Variants in CCDC83 observed in about 807,000 individuals in gnomAD.
CCDC83 encodes the protein coiled-coil domain-containing protein 83.
A neutral mutation model predicts 50.1 loss-of-function variants in CCDC83; 54 were observed. That is an observed-to-expected ratio of 1.08 (90% CI 0.87 to 1.35). CCDC83 has a LOEUF of 1.35. CCDC83 is among the 40% of genes most tolerant of loss of function. The pLI, the probability that CCDC83 is intolerant of heterozygous loss-of-function variation, is 0.00. For missense variants in CCDC83, 518 were observed against 473.9 expected (o/e 1.09, Z -0.86); for synonymous variants, 161 against 153.3 (o/e 1.05, Z -0.37).
intron 8 of CCDC83, chr11:85,912,685 T>A: frequency 1.2e-6 from 2 of 1,612,804 alleles, no homozygotes; most frequent in Non-Finnish European, 1.7e-6. Context: ...CCTCTAATCC[T>A]CGTCATCTGC....
chr11:85,899,013 G>C lies in CCDC83; in HGVS notation c.670G>C (p.Glu224Gln). ...CTGGGAGAATGACTGGCTCAAAAAA[G>C]AGGTAAGTGGAATTTATCAAAACAA... Reference protein sequence around the residue: ...EIWENDWLKKEVAIHRKEVEE... With the variant: ...EIWENDWLKKQVAIHRKEVEE... The change falls in exon 7 of 11, where the codon GAG (glutamate) becomes CAG (glutamine). Residue 224 changes from glutamate (E) to glutamine (Q), a missense_variant and splice_region_variant. Glu to Gln is a conservative substitution (Grantham distance 29). Transcript: ENST00000342404. The C allele has an allele frequency of 6.2e-7, 1 of 1,603,570 alleles. No individual in the cohort carries two copies. Among genetic ancestry groups the C allele is most frequent in the Non-Finnish European group, 8.5e-7 (1 of 1,171,578 alleles).
At chr11:85,895,264 CTTTT>C (rs10594256) in intron 5 of CCDC83, 25 bp from the exon 6 acceptor site, 2,247 of 361,064 alleles carry the variant, frequency 6.2e-3, no homozygotes, top group Middle Eastern at 8.9e-3. Flanking sequence ...TTTTAATTTT[CTTTT>C]TTTTTTTTTT....
At chr11:85,889,090 G>A (rs1289089213) in intron 5 of CCDC83, among the ~76,000 whole-genome samples, 2 of 152,158 alleles carry the variant, frequency 1.3e-5, no homozygotes, top group South Asian at 2.1e-4. Context: ...GGTGTCTCAC[G>A]CCTGTAATAC....
chr11:85,893,169 C>T (rs1348743321), intron 5 of CCDC83, among the ~76,000 whole-genome samples: 2 of 152,210 alleles, frequency 1.3e-5, no homozygotes, highest in Admixed American at 6.5e-5. Flanking sequence ...CCACCAAAGA[C>T]TTGCAGTTTG....
intron 3 of CCDC83, among the ~76,000 whole-genome samples, chr11:85,880,868 A>G (rs1181391335): frequency 6.6e-6 from 1 of 152,226 alleles, no homozygotes; most frequent in Non-Finnish European, 1.5e-5. Flanking sequence ...ACAGAATGAT[A>G]TATCTTGGGG....
intron 3 of CCDC83, among the ~76,000 whole-genome samples, chr11:85,875,101 G>C (rs924756931): frequency 6.6e-6 from 1 of 152,234 alleles, no homozygotes; most frequent in African/African-American, 2.4e-5. Flanking sequence ...AGGCAGGAAA[G>C]TTCCCAATAT....
intron 2 of CCDC83, among the ~76,000 whole-genome samples, chr11:85,868,057 C>T (rs1274966751): frequency 6.6e-6 from 1 of 152,222 alleles, no homozygotes; most frequent in Non-Finnish European, 1.5e-5. Context: ...CTCTCAGCTC[C>T]TAACAAAGCA....
At chr11:85,896,777 T>A (rs376617658) in intron 6 of CCDC83, among the ~76,000 whole-genome samples, 1 of 147,710 alleles carries the variant, frequency 6.8e-6, no homozygotes, top group Non-Finnish European at 1.5e-5. Flanking sequence ...TTTTTTTTTT[T>A]AACAATCTTG....
intron 4 of CCDC83, among the ~76,000 whole-genome samples, chr11:85,885,071 G>A (rs1002324707): frequency 3.9e-5 from 6 of 151,986 alleles, no homozygotes; most frequent in Non-Finnish European, 7.4e-5. Context: ...AAAATTAGCC[G>A]GACGTGGTGG....
intron 5 of CCDC83, among the ~76,000 whole-genome samples, chr11:85,888,332 G>A (rs1485952286): frequency 6.6e-6 from 1 of 152,096 alleles, no homozygotes; most frequent in African/African-American, 2.4e-5. Context: ...TTCTTTGTCA[G>A]TCTTATGGGT....
At chr11:85,877,789 G>C (rs893470933) in intron 3 of CCDC83, among the ~76,000 whole-genome samples, 2 of 152,118 alleles carry the variant, frequency 1.3e-5, no homozygotes, top group South Asian at 4.1e-4. Flanking sequence ...AGTAAAATCA[G>C]ATATCTTTAC....
At chr11:85,909,904 C>T (rs1485566024) in intron 7 of CCDC83, among the ~76,000 whole-genome samples, 1 of 152,086 alleles carries the variant, frequency 6.6e-6, no homozygotes, top group Non-Finnish European at 1.5e-5. Context: ...ATTAAGCCTG[C>T]TATGTTTATC....
At chr11:85,868,765 A>C (rs1046714851) in intron 2 of CCDC83, among the ~76,000 whole-genome samples, 1 of 151,826 alleles carries the variant, frequency 6.6e-6, no homozygotes. Context: ...GCCCACCTCA[A>C]CCTCCTGAAA....
chr11:85,874,680 T>G (rs527931720), intron 3 of CCDC83, among the ~76,000 whole-genome samples: 2 of 152,350 alleles, frequency 1.3e-5, no homozygotes, highest in South Asian at 4.1e-4. Context: ...TTTTGAATAT[T>G]GTAAACCAGG....
chr11:85,862,655 T>C (rs539541990), intron 1 of CCDC83, among the ~76,000 whole-genome samples: 5 of 152,328 alleles, frequency 3.3e-5, no homozygotes, highest in South Asian at 2.1e-4. Context: ...TGGAAGATAA[T>C]TGCTTTTACT....
chr11:85,881,844 T>C (rs1324267233), intron 3 of CCDC83, among the ~76,000 whole-genome samples: 4 of 152,242 alleles, frequency 2.6e-5, no homozygotes, highest in South Asian at 2.1e-4. Context: ...AGAAGTTTGA[T>C]TATGATGTGT....
intron 10 of CCDC83, among the ~76,000 whole-genome samples, chr11:85,917,192 G>GAAAGAAAGAGAA (rs368407830): frequency 1.6e-4 from 13 of 79,848 alleles, no homozygotes; most frequent in East Asian, 1.1e-3. Flanking sequence ...AAGAAAGAAA[G>GAAAGAAAGAGAA]AGAAAGAAAG....
chr11:85,911,614 A>G (rs968125282), intron 8 of CCDC83, among the ~76,000 whole-genome samples: 4 of 152,220 alleles, frequency 2.6e-5, no homozygotes, highest in African/African-American at 7.2e-5. Context: ...TTATCTTGCA[A>G]TGAACTGTAG....
chr11:85,897,184 T>C (rs144488774), intron 6 of CCDC83, among the ~76,000 whole-genome samples: 1 of 152,176 alleles, frequency 6.6e-6, no homozygotes, highest in African/African-American at 2.4e-5. Flanking sequence ...TCGTGAGGAC[T>C]ATTCTAAATA....
Sources: gnomAD v4.1 joint callset for allele counts (sites outside exome capture counted in the v4.1 genomes callset) on GRCh38, gnomAD v4.1.1 for gene constraint, MANE v1.5 for transcripts, NCBI Gene and HGNC (gene_info 2026-07-23, HGNC 2026-07-21) for gene names.